The following PCDHGB3 variants were observed in gnomAD, a reference collection of about 807,000 sequenced individuals.
PCDHGB3 encodes protocadherin gamma-B3.
A neutral mutation model predicts 59.2 loss-of-function variants in PCDHGB3; 40 were observed. The observed-to-expected ratio is 0.68, with a 90% CI of 0.52 to 0.88. PCDHGB3 has a LOEUF of 0.88. Ranked by LOEUF, PCDHGB3 falls within the 40% of genes least tolerant of loss-of-function variation. The probability of loss-of-function intolerance (pLI) is 0.00; values close to 1 mark genes in which losing one functional copy is unlikely to be tolerated. For synonymous variants in PCDHGB3, 581 were observed against 503.6 expected (o/e 1.15, Z -2.06); for missense variants, 1,309 against 1,187.9 (o/e 1.10, Z -1.50).
chr5:141,403,354 G>A, intron 1 of PCDHGB3: 7 of 1,614,048 alleles, frequency 4.3e-6, no homozygotes, highest in Non-Finnish European at 5.9e-6. Flanking sequence ...CAAAGTTCCA[G>A]GCCGAAAGTC....
chr5:141,373,621 A>G (rs908270659), intron 1 of PCDHGB3, among the ~76,000 whole-genome samples: 1 of 152,256 alleles, frequency 6.6e-6, no homozygotes, highest in Admixed American at 6.5e-5. Flanking sequence ...AGAAGATTGT[A>G]ATATTATTTC....
chr5:141,394,365 C>T (rs1451388519), intron 1 of PCDHGB3: 1 of 1,614,212 alleles, frequency 6.2e-7, no homozygotes, highest in South Asian at 1.1e-5. Context: ...GTATGCGCTG[C>T]AATCTTTCGA....
chr5:141,390,053 C>G, intron 1 of PCDHGB3: 1 of 1,614,066 alleles, frequency 6.2e-7, no homozygotes, highest in Non-Finnish European at 8.5e-7. Context: ...CCTCCTGGAG[C>G]TGCTTCCAGC....
chr5:141,403,006 G>C (rs536630249), intron 1 of PCDHGB3: 3 of 1,613,888 alleles, frequency 1.9e-6, no homozygotes, highest in Non-Finnish European at 2.5e-6. Context: ...TGCTATGCTC[G>C]CTCCTGGGGA....
chr5:141,409,405 C>G, intron 1 of PCDHGB3: 1 of 1,614,050 alleles, frequency 6.2e-7, no homozygotes, highest in Non-Finnish European at 8.5e-7. Flanking sequence ...CCAATAACTA[C>G]TACAAACTGG....
chr5:141,476,317 G>C lies in PCDHGB3; in HGVS notation c.2416-18490G>C, dbSNP rs759809060. The C allele has an allele frequency of 1.2e-6, 2 of 1,614,052 alleles. No homozygotes were observed. The highest frequency in any genetic ancestry group is 2.7e-5 in the African/African-American group (2 of 74,922). ...GTAGCCTCTCAGCCCGCAGGTTCCGGGTGGTGTCTGGAGCTAGCCGAAGAT... is the reference window on the plus strand; with the variant it reads ...GTAGCCTCTCAGCCCGCAGGTTCCGCGTGGTGTCTGGAGCTAGCCGAAGAT... On this transcript the variant is annotated intron_variant, in intron 1 of 3. Coordinates refer to ENST00000576222, the MANE Select transcript of PCDHGB3 (RefSeq NM_018924.5). The surrounding 1 kb of genome is among the most constrained non-coding windows in gnomAD (Gnocchi z 7.6).
chr5:141,385,048 C>A, intron 1 of PCDHGB3: 1 of 1,614,150 alleles, frequency 6.2e-7, no homozygotes, highest in Non-Finnish European at 8.5e-7. Flanking sequence ...GCTCAGGCTG[C>A]GGCGCTGGCA....
At chr5:141,384,353 C>T in intron 1 of PCDHGB3, 1 of 1,613,848 alleles carries the variant, frequency 6.2e-7, no homozygotes, top group South Asian at 1.1e-5. Context: ...GAGGATAATG[C>T]CCAGATCACT....
In PCDHGB3 at chr5:141,386,663, G is replaced by T. The variant is rs532080624; in HGVS notation, c.2415+13854G>T. On this transcript the variant is annotated intron_variant, in intron 1 of 3. Transcript: ENST00000576222. ...GGATACATTTTACAAGTTCTGCAGT[G>T]TTCACATTTCAGATGTACAATCACT... Among the ~76,000 whole-genome samples, 44 of 152,044 alleles carry T rather than the reference G, an allele frequency of 2.9e-4. No homozygotes were observed. In the South Asian group the frequency reaches 5.4e-3, roughly 19 times the overall value.
At chr5:141,383,257 G>C in intron 1 of PCDHGB3, 1 of 1,613,922 alleles carries the variant, frequency 6.2e-7, no homozygotes, top group Non-Finnish European at 8.5e-7. Flanking sequence ...TTACCCTATA[G>C]ACGTGGAAAT....
At chr5:141,415,736 TAAGG>T (rs2095905512) in intron 1 of PCDHGB3, 1 of 1,289,864 alleles carries the variant, frequency 7.8e-7, no homozygotes, top group Admixed American at 3.4e-5. Flanking sequence ...TGATGTTTAT[TAAGG>T]TTTTTTTTTT....
Position 141,388,684 on chromosome 5 carries a change from C to T in PCDHGB3, c.2415+15875C>T, listed in dbSNP as rs1458700152. 1.2e-5 allele frequency: 19 copies of T among 1,613,818 alleles called. No homozygotes were observed. Among genetic ancestry groups the T allele is most frequent in the African/African-American group, 2.7e-5 (2 of 74,912 alleles). On this transcript the variant is annotated intron_variant, in intron 1 of 3. Coordinates refer to ENST00000576222, the MANE Select transcript of PCDHGB3 (RefSeq NM_018924.5). ...ACCACGGTGCTACAGGTGACTGCCA[C>T]GGACCAGGATGAGGGTGTCAATGCC...
At chr5:141,398,061 A>G (rs541058758) in intron 1 of PCDHGB3, 863 of 1,544,254 alleles carry the variant, frequency 5.6e-4, no homozygotes, top group Middle Eastern at 1.5e-3. Flanking sequence ...CCAAAAATCT[A>G]CAATACAGAG....
At chr5:141,481,722 G>A (rs546676646) in intron 1 of PCDHGB3, among the ~76,000 whole-genome samples, 1 of 152,214 alleles carries the variant, frequency 6.6e-6, no homozygotes, top group African/African-American at 2.4e-5. Flanking sequence ...GGGAGGCGGA[G>A]GCGGGCGGAT....
At chr5:141,418,874 G>A (rs2096295785) in intron 1 of PCDHGB3, 1 of 1,614,024 alleles carries the variant, frequency 6.2e-7, no homozygotes, top group East Asian at 2.2e-5. Context: ...AGAAGTTGTA[G>A]ACGAAAACGA....
Position 141,489,161 on chromosome 5 carries a change from A to T in PCDHGB3, c.2416-5646A>T. ...GCTGGAAGGAGACATAAGAGACTTC[A>T]GCTGCTGCATTCCAAGCCCTGGGTC... On this transcript the variant is annotated intron_variant, in intron 1 of 3. Coordinates refer to ENST00000576222, the MANE Select transcript of PCDHGB3 (RefSeq NM_018924.5). The surrounding 1 kb of genome is among the most constrained non-coding windows in gnomAD (Gnocchi z 4.5). 1.9e-6 allele frequency: 2 copies of T among 1,040,278 alleles called. No individual in the cohort carries two copies. The highest frequency in any genetic ancestry group is 2.8e-6 in the Non-Finnish European group (2 of 709,676). 64.4% of individuals were successfully genotyped at this position (1,040,278 alleles called of 1,614,324 possible).
At chr5:141,409,519 C>T in intron 1 of PCDHGB3, 1 of 1,614,040 alleles carries the variant, frequency 6.2e-7, no homozygotes, top group Non-Finnish European at 8.5e-7. Context: ...GAAGCATCAC[C>T]TTGTATGTCG....
At chr5:141,483,840 T>C (rs996866862) in intron 1 of PCDHGB3, among the ~76,000 whole-genome samples, 2 of 152,172 alleles carry the variant, frequency 1.3e-5, no homozygotes, top group South Asian at 2.1e-4. Context: ...AAGGACTTGG[T>C]TGAATTAAGA....
intron 1 of PCDHGB3, chr5:141,395,450 C>A: frequency 1.6e-6 from 1 of 643,034 alleles, no homozygotes; most frequent in Non-Finnish European, 2.5e-6. Flanking sequence ...AAAGATTGTT[C>A]AACCATTTTA....
Sources: allele counts gnomAD v4.1 joint callset (sites outside exome capture counted in the v4.1 genomes callset), GRCh38; gene constraint gnomAD v4.1.1; non-coding constraint Gnocchi (gnomAD v3.1); transcripts MANE v1.5; gene names NCBI Gene and HGNC (gene_info 2026-07-23, HGNC 2026-07-21).